Variants in GMDS observed in about 807,000 individuals in gnomAD.
GMDS encodes GDP-mannose 4,6 dehydratase.
GMDS carries 20 observed loss-of-function variants against 49.9 expected under a neutral mutation model. The observed-to-expected ratio is 0.40, with a 90% confidence interval of 0.28 to 0.58. GMDS has a LOEUF of 0.58. GMDS is among the 20% of genes least tolerant of loss of function. The pLI is 0.42. For synonymous variants in GMDS, 177 were observed against 178.6 expected, an observed-to-expected ratio of 0.99 and a Z score of 0.07; for missense variants, 362 against 481.4, an observed-to-expected ratio of 0.75 and a Z score of 2.32.
At chr6:1,680,106 A>G (rs1020154293) in intron 9 of GMDS, among the ~76,000 whole-genome samples, 1 of 152,338 alleles carries the variant, frequency 6.6e-6, no homozygotes, top group East Asian at 1.9e-4. Flanking sequence ...GTACACTGAA[A>G]TTACGCGCAC....
intron 9 of GMDS, among the ~76,000 whole-genome samples, chr6:1,710,241 C>G (rs1443173199): frequency 6.6e-6 from 1 of 152,176 alleles, no homozygotes; most frequent in Non-Finnish European, 1.5e-5. Flanking sequence ...CTACCCTCCA[C>G]CAGACCGGGG....
chr6:1,846,149 G>A (rs554742076), intron 7 of GMDS, among the ~76,000 whole-genome samples: 16 of 146,546 alleles, frequency 1.1e-4, no homozygotes, highest in Middle Eastern at 3.8e-3. Context: ...CTGGAGTGCA[G>A]TGCCACAATC....
intron 4 of GMDS, among the ~76,000 whole-genome samples, chr6:2,043,885 C>A (rs1015768442): frequency 2.0e-5 from 3 of 151,800 alleles, no homozygotes; most frequent in Admixed American, 1.3e-4. Context: ...CAACAACAAC[C>A]CCATTAAAAG....
chr6:2,211,928 C>G (rs934402211), intron 1 of GMDS, among the ~76,000 whole-genome samples: 1 of 152,124 alleles, frequency 6.6e-6, no homozygotes, highest in Non-Finnish European at 1.5e-5. Flanking sequence ...CTTTCCTATC[C>G]CTTTTCACAG....
intron 7 of GMDS, among the ~76,000 whole-genome samples, chr6:1,757,937 T>C (rs78153243): frequency 1.6e-3 from 237 of 152,352 alleles, no homozygotes; most frequent in African/African-American, 4.1e-3. Context: ...CAAAATATGA[T>C]TGAGATATTT....
At chr6:2,015,143 A>G (rs1193723794) in intron 4 of GMDS, among the ~76,000 whole-genome samples, 1 of 152,150 alleles carries the variant, frequency 6.6e-6, no homozygotes, top group Non-Finnish European at 1.5e-5. Context: ...TAATTCACAG[A>G]TCCAACTGGC....
intron 1 of GMDS, among the ~76,000 whole-genome samples, chr6:2,174,661 G>A (rs1302952776): frequency 1.3e-5 from 2 of 152,024 alleles, no homozygotes; most frequent in Non-Finnish European, 2.9e-5. Context: ...TCCACCTCCT[G>A]GGTTCAAGTG....
chr6:2,074,944 C>A (rs181800671), intron 4 of GMDS, among the ~76,000 whole-genome samples: 1 of 152,310 alleles, frequency 6.6e-6, no homozygotes, highest in African/African-American at 2.4e-5. Flanking sequence ...TGTCAAAAAT[C>A]AGTTGTTATA....
At chr6:1,809,704 G>C (rs972136961) in intron 7 of GMDS, among the ~76,000 whole-genome samples, 11 of 152,182 alleles carry the variant, frequency 7.2e-5, no homozygotes, top group South Asian at 6.2e-4. Context: ...AAGAGGGCTA[G>C]TGAAAGAATT....
rs1757079134 is a variant in GMDS, at chr6:1,839,823, G to A, written c.771+90280C>T. ...CAGTGATGAGTGTGAGGAGCAGGCTGCAGCCGAGGGGACGTGGGTTGCTCT... is the reference window on the plus strand; with the variant it reads ...CAGTGATGAGTGTGAGGAGCAGGCTACAGCCGAGGGGACGTGGGTTGCTCT... On this transcript the variant is annotated intron_variant, in intron 7 of 10. Coordinates refer to ENST00000380815, the MANE Select transcript of GMDS (RefSeq NM_001500.4). 2.0e-5 allele frequency among the ~76,000 whole-genome samples: 3 copies of A among 152,304 alleles called. No individual in the cohort carries two copies. In the South Asian group the frequency reaches 6.2e-4, roughly 32 times the overall value.
intron 4 of GMDS, among the ~76,000 whole-genome samples, chr6:2,066,482 A>G (rs1771601478): frequency 6.6e-6 from 1 of 151,614 alleles, no homozygotes; most frequent in Non-Finnish European, 1.5e-5. Flanking sequence ...CAAATTGGAT[A>G]AAGAGTCAAG....
Position 1,989,402 on chromosome 6 carries a change from T to C in GMDS, c.346-28436A>G, listed in dbSNP as rs1037549499. On this transcript the variant is annotated intron_variant, in intron 4 of 10. Transcript: ENST00000380815. The stretch of plus-strand genomic sequence containing the variant: ...AGGTCAGGGAAAAAAGAGAGAGAGA[T>C]AAAGAGTTTGCTCTGAGGGGAGAGG... Among the ~76,000 whole-genome samples the C allele has an allele frequency of 2.0e-5, 3 of 151,844 alleles. No homozygotes were observed. The South Asian group carries it at 6.2e-4, about 32-fold the overall frequency.
At chr6:1,917,120 AG>A in intron 7 of GMDS, among the ~76,000 whole-genome samples, 1 of 152,226 alleles carries the variant, frequency 6.6e-6, no homozygotes, top group South Asian at 2.1e-4. Context: ...CAGGATGATT[AG>A]AGGTATTAGG....
At chr6:1,846,522 T>G (rs2113757053) in intron 7 of GMDS, among the ~76,000 whole-genome samples, 1 of 152,290 alleles carries the variant, frequency 6.6e-6, no homozygotes, top group Admixed American at 6.5e-5. Context: ...TTTCTCTCCA[T>G]TGATAGGAAA....
At chr6:2,155,805 T>C (rs1777085938) in intron 1 of GMDS, among the ~76,000 whole-genome samples, 1 of 152,152 alleles carries the variant, frequency 6.6e-6, no homozygotes, top group Non-Finnish European at 1.5e-5. Context: ...AGAATCAGTA[T>C]CTCTGCTGAA....
chr6:2,018,338 A>T (rs575113699), intron 4 of GMDS, among the ~76,000 whole-genome samples: 3 of 152,208 alleles, frequency 2.0e-5, no homozygotes, highest in Non-Finnish European at 2.9e-5. Flanking sequence ...TTGAGATATA[A>T]TTAACATACC....
chr6:2,135,332 T>A (rs997536810), intron 1 of GMDS, among the ~76,000 whole-genome samples: 2 of 152,162 alleles, frequency 1.3e-5, no homozygotes, highest in African/African-American at 4.8e-5. Flanking sequence ...CTACTGTGTG[T>A]ATTTGTGTAT....
At chr6:2,138,137 AT>A (rs1441957377) in intron 1 of GMDS, among the ~76,000 whole-genome samples, 4 of 152,158 alleles carry the variant, frequency 2.6e-5, no homozygotes, top group Admixed American at 2.0e-4. Context: ...CAAATCTGTT[AT>A]TTTTGGCAAA....
At chr6:1,894,266 G>C (rs1760036982) in intron 7 of GMDS, among the ~76,000 whole-genome samples, 1 of 152,084 alleles carries the variant, frequency 6.6e-6, no homozygotes, top group Non-Finnish European at 1.5e-5. Flanking sequence ...GCCACTCTAA[G>C]AAAAGCTATG....
Sources: allele counts gnomAD v4.1 joint callset (sites outside exome capture counted in the v4.1 genomes callset), GRCh38; gene constraint gnomAD v4.1.1; transcripts MANE v1.5; gene names NCBI Gene and HGNC (gene_info 2026-07-23, HGNC 2026-07-21).